The following PRMT7 variants were observed in gnomAD, a reference collection of about 807,000 sequenced individuals.
PRMT7 encodes the protein protein arginine methyltransferase 7.
A neutral mutation model predicts 85.4 loss-of-function variants in PRMT7; 75 were observed. The ratio of observed to expected loss-of-function variants is 0.88; its 90% CI spans 0.73 to 1.06. PRMT7 has a LOEUF of 1.06. PRMT7 is among the 50% of genes least tolerant of loss of function. The pLI is 0.00. For missense variants in PRMT7, 868 were observed against 915.2 expected (o/e 0.95, Z 0.67); for synonymous variants, 397 against 359.5 (o/e 1.10, Z -1.18).
At chr16:68,329,044 G>A in intron 5 of PRMT7, 22 bp from the exon 6 acceptor site, 1 of 1,525,746 alleles carries the variant, frequency 6.6e-7, no homozygotes, top group Non-Finnish European at 9.1e-7. Context: ...ATTTTTCCTT[G>A]GGTTTCGGCT....
chr16:68,317,180 G>T (rs2863977), intron 3 of PRMT7, among the ~76,000 whole-genome samples: 2 of 147,482 alleles, frequency 1.4e-5, no homozygotes, highest in Non-Finnish European at 3.0e-5. Context: ...GGAGGTTGCA[G>T]TGAGCCAAGG....
downstream of PRMT7, chr16:68,359,230 T>C (rs1277680841): frequency 1.3e-5 from 2 of 152,430 alleles, no homozygotes; most frequent in Non-Finnish European, 2.9e-5. Context: ...GCCGGCCCAG[T>C]CGCTTGTGTG....
At chr16:68,320,758 CTG>C (rs1159078593) in intron 3 of PRMT7, among the ~76,000 whole-genome samples, 1 of 152,150 alleles carries the variant, frequency 6.6e-6, no homozygotes, top group Non-Finnish European at 1.5e-5. Flanking sequence ...ACATCTTTCT[CTG>C]AGACTTTTTT....
Position 68,357,475 on chromosome 16 carries a change from T to C in PRMT7, c.*251T>C. 1 of 479,692 alleles carries C rather than the reference T, an allele frequency of 2.1e-6. No individual in the cohort carries two copies. The allele number at this position is 479,692 out of a possible 1,614,324, so 29.7% of individuals were successfully genotyped here. A position where few individuals can be genotyped will look rare whatever the true frequency, so the allele number is the denominator to read the frequency against. Reference sequence around the variant, plus strand: ...GCTGGGAAGACCCCCCTGCTTGTGCTTCTGAGGTGCTGAGAATGCTCCAAC... The same window carrying C: ...GCTGGGAAGACCCCCCTGCTTGTGCCTCTGAGGTGCTGAGAATGCTCCAAC... On this transcript the variant is annotated 3_prime_UTR_variant, in exon 19 of 19. Transcript: ENST00000441236.
intron 12 of PRMT7, 31 bp from the exon 13 acceptor site, chr16:68,347,600 C>G (rs375175436): frequency 5.0e-6 from 8 of 1,602,902 alleles, no homozygotes; most frequent in Non-Finnish European, 6.0e-6. Context: ...AAGTGAATAT[C>G]TTACAACTAA....
intron 17 of PRMT7, 94 bp from the exon 18 acceptor site, chr16:68,356,607 A>C (rs1458695718): frequency 1.1e-6 from 1 of 894,782 alleles, no homozygotes; most frequent in African/African-American, 1.7e-5. Flanking sequence ...GAAGTGGGGA[A>C]GACCACAGGT....
chr16:68,348,915 A>T (rs2086844097), intron 14 of PRMT7, among the ~76,000 whole-genome samples: 1 of 152,048 alleles, frequency 6.6e-6, no homozygotes, highest in Non-Finnish European at 1.5e-5. Context: ...TCGGGGTTAC[A>T]GGCATGAGCC....
At chr16:68,320,642 A>G (rs893541233) in intron 3 of PRMT7, among the ~76,000 whole-genome samples, 1 of 152,168 alleles carries the variant, frequency 6.6e-6, no homozygotes, top group Non-Finnish European at 1.5e-5. Flanking sequence ...CGAGCATGTC[A>G]CAGTGCTGCA....
At chr16:68,313,839 G>A (rs768758050) in intron 2 of PRMT7, among the ~76,000 whole-genome samples, 7 of 152,218 alleles carry the variant, frequency 4.6e-5, no homozygotes, top group Admixed American at 6.5e-5. Flanking sequence ...GGAGGCTGAC[G>A]TAGGAGGATC....
chr16:68,311,033 C>T lies in PRMT7; in HGVS notation c.-285C>T, dbSNP rs559660118. 9.6e-7 allele frequency: 1 copy of T among 1,036,962 alleles called. No individual in the cohort carries two copies. The highest frequency in any genetic ancestry group is 1.4e-6 in the Non-Finnish European group (1 of 692,290). 64.2% of individuals were successfully genotyped at this position (1,036,962 alleles called of 1,614,324 possible). ...GCACGCTCCTCGACGCTGCGAGGTC[C>T]CGCCCCGCGTGCTGGCCGCGGTAAA... On this transcript the variant is annotated 5_prime_UTR_variant, in exon 1 of 19. Transcript: ENST00000441236.
At chr16:68,338,914 C>G (rs1242777421) in intron 7 of PRMT7, among the ~76,000 whole-genome samples, 6 of 152,130 alleles carry the variant, frequency 3.9e-5, no homozygotes, top group African/African-American at 1.4e-4. Flanking sequence ...TGCCCAGCGG[C>G]GCTAGAGGGC....
chr16:68,359,950 A>C (rs1436581713), downstream of PRMT7: 1 of 152,326 alleles, frequency 6.6e-6, no homozygotes, highest in Non-Finnish European at 1.5e-5. Context: ...CCAGTACCAC[A>C]CCCTGCCCTG....
In PRMT7 at chr16:68,329,164, T is replaced by C. The variant is rs781474932; in HGVS notation, c.381T>C (p.Thr127=). ...TCAACAAGCATTCCACCGAGGTGAC[T>C]GTAGGTCCAGGTGAGATTTACACAC... ...KVINKHSTEV[T]VGPEGDMPCR... Residue 127 remains threonine (T), a synonymous_variant, in exon 6 of 19, where the codon ACT becomes ACC. Transcript: ENST00000441236. 3.1e-6 allele frequency: 5 copies of C among 1,593,928 alleles called. No individual in the cohort carries two copies. In the South Asian group the frequency reaches 5.5e-5, roughly 18 times the overall value.
Position 68,325,707 on chromosome 16 carries a change from C to T in PRMT7, c.282+875C>T, listed in dbSNP as rs182340652. On this transcript the variant is annotated intron_variant, in intron 5 of 18. Transcript: ENST00000441236. ...TCAGGAGGCTGAGGCGAGAGAATCG[C>T]TTGAACCCAGGAGGCAGAGGTTACA... Among the ~76,000 whole-genome samples, 23 of 152,208 alleles carry T rather than the reference C, an allele frequency of 1.5e-4. No homozygotes were observed. In the Middle Eastern group the frequency reaches 0.01, roughly 68 times the overall value.
Position 68,315,903 on chromosome 16 carries a change from G to A in PRMT7, c.-77G>A, listed in dbSNP as rs2044684579. On this transcript the variant is annotated 5_prime_UTR_variant, in exon 3 of 19. Transcript: ENST00000441236. ...TTCCTTCTGATGTTAATAGATTTCT[G>A]ACAGTCAGACTTGTCCACAAGAACT... is the stretch of plus-strand genomic sequence containing the variant. The A allele has an allele frequency of 8.4e-7, 1 of 1,185,866 alleles. No homozygotes were observed. The highest frequency in any genetic ancestry group is 1.9e-5 in the Admixed American group (1 of 53,516). The allele number at this position is 1,185,866 out of a possible 1,614,324, so 73.5% of individuals were successfully genotyped here. A position where few individuals can be genotyped will look rare whatever the true frequency, so the allele number is the denominator to read the frequency against.
intron 6 of PRMT7, among the ~76,000 whole-genome samples, chr16:68,336,947 T>A (rs1368742591): frequency 1.3e-5 from 2 of 152,216 alleles, no homozygotes; most frequent in Non-Finnish European, 2.9e-5. Flanking sequence ...GAGATGGGGT[T>A]TCGCCATGAT....
chr16:68,316,171 C>T (rs1351718375), intron 3 of PRMT7, 97 bp downstream of exon 3: 20 of 1,064,726 alleles, frequency 1.9e-5, no homozygotes, highest in Middle Eastern at 2.7e-4. Context: ...TAGGCTGTCA[C>T]CCAGTGCTTA....
At chr16:68,317,235 C>T (rs2081968211) in intron 3 of PRMT7, among the ~76,000 whole-genome samples, 3 of 50,420 alleles carry the variant, frequency 6.0e-5, no homozygotes, top group South Asian at 1.2e-3. Flanking sequence ...GAGACTCTGT[C>T]TCAAAAAAAA....
chr16:68,322,771 G>C (rs545950813), intron 4 of PRMT7, among the ~76,000 whole-genome samples: 3 of 151,996 alleles, frequency 2.0e-5, no homozygotes, highest in African/African-American at 4.8e-5. Context: ...GGTGGCTCAT[G>C]CCTGTAATCC....
Sources: gnomAD v4.1 joint callset for allele counts (sites outside exome capture counted in the v4.1 genomes callset) on GRCh38, gnomAD v4.1.1 for gene constraint, MANE v1.5 for transcripts, NCBI Gene and HGNC (gene_info 2026-07-23, HGNC 2026-07-21) for gene names.